Variants in GASK1A observed in about 807,000 individuals in gnomAD.
The protein encoded by GASK1A is golgi associated kinase 1A.
GASK1A carries 40 observed loss-of-function variants against 41.2 expected under a neutral mutation model. The ratio of observed to expected loss-of-function variants is 0.97; its 90% CI spans 0.75 to 1.27. The LOEUF (loss-of-function observed/expected upper bound fraction) is 1.27, where lower values mean the gene tolerates loss of function less well. GASK1A is among the 50% of genes most tolerant of loss of function. The pLI is 0.00. For missense variants in GASK1A, 678 were observed against 745.1 expected (o/e 0.91, Z 1.05); for synonymous variants, 316 against 307.1 (o/e 1.03, Z -0.30).
intron 2 of GASK1A, among the ~76,000 whole-genome samples, chr3:43,035,322 G>A (rs1468876886): frequency 6.6e-6 from 1 of 152,206 alleles, no homozygotes; most frequent in Non-Finnish European, 1.5e-5. Flanking sequence ...CCTCCAGGTA[G>A]TGTGGCCAAC....
intron 1 of GASK1A, among the ~76,000 whole-genome samples, chr3:42,985,583 GTGT>G (rs1559395424): frequency 6.7e-5 from 10 of 148,970 alleles, no homozygotes; most frequent in Non-Finnish European, 1.5e-4. Flanking sequence ...GTGTGTGTGT[GTGT>G]GGGCGGAGGC....
At chr3:42,998,479 A>G (rs1309481221) in intron 1 of GASK1A, among the ~76,000 whole-genome samples, 1 of 152,180 alleles carries the variant, frequency 6.6e-6, no homozygotes, top group African/African-American at 2.4e-5. Context: ...CCTTTTGAAC[A>G]GTTATTATGT....
rs2089577060 is a variant in GASK1A at position 43,031,754 on chromosome 3, G to A, written c.4-513G>A. 2.6e-5 allele frequency among the ~76,000 whole-genome samples: 4 copies of A among 152,306 alleles called. 1 individual carries two copies. Among genetic ancestry groups the A allele is most frequent in the South Asian group, 4.1e-4 (2 of 4,826 alleles). On this transcript the variant is annotated intron_variant, in intron 1 of 4. Transcript: ENST00000430121. ...TGGTTGGCTCTCATGACATAGTCAG[G>A]GACTTGGTCACATGGTCACACCCTG...
intron 2 of GASK1A, among the ~76,000 whole-genome samples, chr3:43,038,230 A>G (rs1026516267): frequency 2.6e-5 from 4 of 152,204 alleles, no homozygotes; most frequent in African/African-American, 7.2e-5. Context: ...TAATACTACT[A>G]CTTGAGCTAA....
intron 1 of GASK1A, among the ~76,000 whole-genome samples, chr3:43,024,081 G>A (rs2089534728): frequency 6.6e-6 from 1 of 152,152 alleles, no homozygotes; most frequent in Non-Finnish European, 1.5e-5. Flanking sequence ...ATGCTCTGGT[G>A]TCTGGTGCCT....
At chr3:43,017,473 G>A (rs1478331167) in intron 1 of GASK1A, among the ~76,000 whole-genome samples, 2 of 148,856 alleles carry the variant, frequency 1.3e-5, no homozygotes, top group Non-Finnish European at 3.0e-5. Flanking sequence ...TCACAGTAAG[G>A]GCTAGTGTGG....
At chr3:43,011,467 G>C (rs759594405) in intron 1 of GASK1A, among the ~76,000 whole-genome samples, 2 of 152,012 alleles carry the variant, frequency 1.3e-5, no homozygotes, top group Non-Finnish European at 2.9e-5. Flanking sequence ...AGAACCCACT[G>C]TGTGGGCTGT....
intron 3 of GASK1A, 59 bp from the exon 4 acceptor site, chr3:43,055,373 G>A: frequency 2.4e-6 from 3 of 1,264,734 alleles, no homozygotes; most frequent in Non-Finnish European, 3.4e-6. Context: ...CAAGTCCATA[G>A]GTGCCAGCCG....
At chr3:42,985,724 G>T (rs188287961) in intron 1 of GASK1A, among the ~76,000 whole-genome samples, 1 of 152,204 alleles carries the variant, frequency 6.6e-6, no homozygotes, top group Admixed American at 6.5e-5. Context: ...AGTGAGTGGG[G>T]CAGAGGGAGC....
At chr3:43,009,137 G>A (rs2125679067) in intron 1 of GASK1A, among the ~76,000 whole-genome samples, 1 of 152,332 alleles carries the variant, frequency 6.6e-6, no homozygotes, top group East Asian at 1.9e-4. Flanking sequence ...TGCAGAAATT[G>A]ATGTGAAGAT....
chr3:43,004,841 C>T (rs548875786), intron 1 of GASK1A, among the ~76,000 whole-genome samples: 38 of 152,264 alleles, frequency 2.5e-4, no homozygotes, highest in African/African-American at 8.9e-4. Flanking sequence ...TGGTTTAAAA[C>T]GACACGAATT....
At chr3:43,039,667 T>C (rs1265099954) in intron 2 of GASK1A, among the ~76,000 whole-genome samples, 1 of 152,214 alleles carries the variant, frequency 6.6e-6, no homozygotes, top group Admixed American at 6.5e-5. Flanking sequence ...ATCCTCTCCC[T>C]CCACCTTCAA....
intron 2 of GASK1A, among the ~76,000 whole-genome samples, chr3:43,042,721 A>G (rs1442678540): frequency 1.3e-5 from 2 of 152,124 alleles, no homozygotes; most frequent in Non-Finnish European, 2.9e-5. Context: ...TTTAAAATTT[A>G]GGAGGCTCCA....
intron 2 of GASK1A, among the ~76,000 whole-genome samples, chr3:43,053,287 A>G (rs745551823): frequency 2.3e-4 from 35 of 152,244 alleles, no homozygotes; most frequent in Non-Finnish European, 4.7e-4. Flanking sequence ...CACTGGGTGA[A>G]AATCCACACT....
intron 1 of GASK1A, among the ~76,000 whole-genome samples, chr3:43,001,215 C>T (rs974554415): frequency 2.6e-5 from 4 of 152,066 alleles, no homozygotes; most frequent in Admixed American, 1.3e-4. Context: ...TCCAGAAAGC[C>T]GACCCCGGGT....
intron 1 of GASK1A, among the ~76,000 whole-genome samples, chr3:43,025,064 T>C (rs1043236836): frequency 2.0e-5 from 3 of 152,158 alleles, no homozygotes; most frequent in African/African-American, 7.2e-5. Context: ...CTGTCCAGAA[T>C]TGAAAGAAGT....
chr3:42,988,966 A>G (rs1328727514), intron 1 of GASK1A, among the ~76,000 whole-genome samples: 1 of 152,230 alleles, frequency 6.6e-6, no homozygotes, highest in Non-Finnish European at 1.5e-5. Flanking sequence ...GGAAATTCTC[A>G]AGATATTCTG....
intron 1 of GASK1A, among the ~76,000 whole-genome samples, chr3:43,014,841 C>T (rs2089481743): frequency 6.6e-6 from 1 of 151,894 alleles, no homozygotes; most frequent in Non-Finnish European, 1.5e-5. Flanking sequence ...AATGGGAAGT[C>T]ATAGGAAGGG....
At chr3:43,055,818 C>T in intron 4 of GASK1A, 1 of 480,218 alleles carries the variant, frequency 2.1e-6, no homozygotes, top group Non-Finnish European at 3.8e-6. Context: ...GGTGAGAGAG[C>T]TAGGCCAGAG....
Sources: gnomAD v4.1 joint callset for allele counts (sites outside exome capture counted in the v4.1 genomes callset) on GRCh38, gnomAD v4.1.1 for gene constraint, MANE v1.5 for transcripts, NCBI Gene and HGNC (gene_info 2026-07-23, HGNC 2026-07-21) for gene names.